ERG: variants seen among roughly 807,000 people sequenced by gnomAD.
The protein encoded by ERG is ETS transcription factor ERG.
A neutral mutation model predicts 55.3 loss-of-function variants in ERG; 9 were observed. That is an observed-to-expected ratio of 0.16 (90% confidence interval 0.10 to 0.28). The LOEUF (loss-of-function observed/expected upper bound fraction) is 0.28, where lower values mean the gene tolerates loss of function less well. ERG is among the 10% of genes least tolerant of loss of function. ERG has a pLI of 1.00. For synonymous variants in ERG, 223 were observed against 237.3 expected, an observed-to-expected ratio of 0.94 and a Z score of 0.55; for missense variants, 434 against 631.6, an observed-to-expected ratio of 0.69 and a Z score of 3.35.
chr21:38,624,615 G>A (rs2060313700), intron 1 of ERG, among the ~76,000 whole-genome samples: 1 of 152,170 alleles, frequency 6.6e-6, no homozygotes, highest in African/African-American at 2.4e-5. Context: ...CTGGGAAAAA[G>A]GTTCTGTGAT....
At chr21:38,568,700 CA>C (rs1353030206) in intron 2 of ERG, among the ~76,000 whole-genome samples, 6 of 152,176 alleles carry the variant, frequency 3.9e-5, no homozygotes, top group African/African-American at 1.4e-4. Flanking sequence ...TCTTACGGAG[CA>C]GTATCTAGTG....
At chr21:38,459,381 T>C (rs1030817255) in intron 1 of ERG, among the ~76,000 whole-genome samples, 1 of 152,234 alleles carries the variant, frequency 6.6e-6, no homozygotes, top group African/African-American at 2.4e-5. Flanking sequence ...ATTTATTATG[T>C]AACAGTTTTG....
chr21:38,405,400 A>G (rs1988717116), intron 3 of ERG, among the ~76,000 whole-genome samples: 1 of 152,144 alleles, frequency 6.6e-6, no homozygotes, highest in Non-Finnish European at 1.5e-5. Flanking sequence ...ATCTCCATGC[A>G]TACGCGTGAA....
At chr21:38,400,737 A>G (rs1359564377) in intron 5 of ERG, 92 bp from the exon 6 acceptor site, 5 of 976,886 alleles carry the variant, frequency 5.1e-6, no homozygotes, top group African/African-American at 1.6e-5. Context: ...CCCTATGACA[A>G]CAAAGGGAAG....
chr21:38,455,114 CTTTCTTTTT>C (rs560849018), intron 1 of ERG, among the ~76,000 whole-genome samples: 56 of 118,726 alleles, frequency 4.7e-4, no homozygotes, highest in African/African-American at 1.5e-3. Flanking sequence ...TTCTTTCTTT[CTTTCTTTTT>C]TTTTTTTTTT....
intron 2 of ERG, among the ~76,000 whole-genome samples, chr21:38,571,088 T>C (rs2059954606): frequency 6.6e-6 from 1 of 151,974 alleles, no homozygotes; most frequent in African/African-American, 2.4e-5. Flanking sequence ...GGATTTGCTA[T>C]TTTTTTTGTC....
chr21:38,644,903 T>C (rs2146976017), intron 1 of ERG, among the ~76,000 whole-genome samples: 1 of 152,296 alleles, frequency 6.6e-6, no homozygotes, highest in East Asian at 1.9e-4. Context: ...ATGCCTGTAA[T>C]CCTAGCATTT....
chr21:38,457,561 C>T (rs543230227), intron 1 of ERG, among the ~76,000 whole-genome samples: 5 of 152,328 alleles, frequency 3.3e-5, no homozygotes, highest in Non-Finnish European at 5.9e-5. Context: ...GTCTAAACCT[C>T]GGTCTTTAGA....
chr21:38,499,802 A>C (rs2059407284), upstream of ERG, among the ~76,000 whole-genome samples: 1 of 143,512 alleles, frequency 7.0e-6, no homozygotes, highest in African/African-American at 2.5e-5. Context: ...GGAGAAAGGA[A>C]GGACAGAAGA....
intron 1 of ERG, among the ~76,000 whole-genome samples, chr21:38,622,969 ACGTCACACACATT>A (rs1442428397): frequency 7.9e-6 from 1 of 126,416 alleles, no homozygotes; most frequent in Non-Finnish European, 1.7e-5. Context: ...GCACACACAC[ACGTCACACACATT>A]TTACATACAC....
intron 1 of ERG, among the ~76,000 whole-genome samples, chr21:38,476,946 C>T (rs1413664221): frequency 6.6e-6 from 1 of 151,698 alleles, no homozygotes; most frequent in South Asian, 2.1e-4. Flanking sequence ...TGCAGAAACC[C>T]ATGTGTCCTA....
intron 1 of ERG, among the ~76,000 whole-genome samples, chr21:38,612,522 A>C (rs2060233871): frequency 6.6e-6 from 1 of 152,150 alleles, no homozygotes; most frequent in Non-Finnish European, 1.5e-5. Flanking sequence ...TTAAATCCTA[A>C]ATGTGTCTTG....
At chr21:38,510,964 A>T (rs1465954980) in intron 2 of ERG, among the ~76,000 whole-genome samples, 1 of 152,188 alleles carries the variant, frequency 6.6e-6, no homozygotes, top group East Asian at 1.9e-4. Context: ...TTAACAAACC[A>T]AGATTTGAAA....
At chr21:38,388,478 T>C (rs951098960) in intron 9 of ERG, among the ~76,000 whole-genome samples, 1 of 152,166 alleles carries the variant, frequency 6.6e-6, no homozygotes, top group African/African-American at 2.4e-5. Context: ...ACAGCAATTT[T>C]TAAGTGATGA....
intron 2 of ERG, among the ~76,000 whole-genome samples, chr21:38,524,046 T>C (rs762812794): frequency 6.6e-6 from 1 of 152,218 alleles, no homozygotes; most frequent in Non-Finnish European, 1.5e-5. Flanking sequence ...TTTTGTTAGT[T>C]CATACCTCTA....
chr21:38,445,450 C>A lies in ERG; in HGVS notation c.190G>T (p.Val64Phe), dbSNP rs1248151471. The change falls in exon 2 of 10, where the codon GTC (valine) becomes TTC (phenylalanine). Residue 64 changes from valine to phenylalanine, a missense_variant. Val to Phe is a conservative substitution (Grantham distance 50). Transcript: ENST00000288319. ...QDWLSQPPAR[V>F]TIKMECNPSQ... The stretch of plus-strand genomic sequence containing the variant: ...GGGTTACATTCCATTTTGATGGTGA[C>A]CCTGGCTGGGGGTTGAGACAGCCAA... The A allele has an allele frequency of 6.2e-7, 1 of 1,614,144 alleles. No individual in the cohort carries two copies. The highest frequency in any genetic ancestry group is 8.5e-7 in the Non-Finnish European group (1 of 1,180,024).
chr21:38,424,187 G>GTCTCTCTCTCTCT lies in ERG; in HGVS notation c.237-627_237-626insAGAGAGAGAGAGA, dbSNP rs1569087250. On this transcript the variant is annotated intron_variant, in intron 2 of 9. Transcript: ENST00000288319. ...AGAAAAGAAAGAGACCAGAGCTCGA[G>GTCTCTCTCTCTCT]CTCTCTCTCTCTCTCTCTCTCTCTC... 1.6e-3 allele frequency among the ~76,000 whole-genome samples: 179 copies of GTCTCTCTCTCTCT among 110,148 alleles called. 2 individuals carry two copies. Among genetic ancestry groups the GTCTCTCTCTCTCT allele is most frequent in the African/African-American group, 2.9e-3 (91 of 31,534 alleles). The allele number at this position is 110,148 out of a possible 152,430, so 72.3% of individuals were successfully genotyped here. A position where few individuals can be genotyped will look rare whatever the true frequency, so the allele number is the denominator to read the frequency against.
At chr21:38,541,165 A>G (rs2059749551) in intron 2 of ERG, among the ~76,000 whole-genome samples, 2 of 152,344 alleles carry the variant, frequency 1.3e-5, no homozygotes, top group South Asian at 2.1e-4. Flanking sequence ...CCATCCAATT[A>G]TAAATCCTTA....
chr21:38,575,579 T>C (rs2059989735), intron 2 of ERG: 1 of 997,054 alleles, frequency 1.0e-6, no homozygotes. Flanking sequence ...TGACCCCTAA[T>C]TAACTGATAT....
Sources: gnomAD v4.1 joint callset for allele counts (sites outside exome capture counted in the v4.1 genomes callset) on GRCh38, gnomAD v4.1.1 for gene constraint, MANE v1.5 for transcripts, NCBI Gene and HGNC (gene_info 2026-07-23, HGNC 2026-07-21) for gene names.